Variants in ASTN2 observed in about 807,000 individuals in gnomAD.
ASTN2 encodes the protein astrotactin 2.
In ASTN2, 54 loss-of-function variants were observed where a neutral mutation model predicts 139.8. The ratio of observed to expected loss-of-function variants is 0.39; its 90% CI spans 0.31 to 0.48. The LOEUF is 0.48. Ranked by LOEUF, ASTN2 falls within the 20% of genes least tolerant of loss-of-function variation. The pLI is 0.95. For synonymous variants in ASTN2, 756 were observed against 719.5 expected, an observed-to-expected ratio of 1.05 and a Z score of -0.81; for missense variants, 1,565 against 1,725.1, an observed-to-expected ratio of 0.91 and a Z score of 1.64.
intron 5 of ASTN2, among the ~76,000 whole-genome samples, chr9:117,065,176 C>G (rs989365946): frequency 6.6e-5 from 10 of 152,130 alleles, no homozygotes; most frequent in Non-Finnish European, 1.2e-4. Context: ...AGCCACGGAA[C>G]AGAACAGATT....
At chr9:117,308,601 CAG>C (rs1835062125) in intron 1 of ASTN2, among the ~76,000 whole-genome samples, 2 of 152,104 alleles carry the variant, frequency 1.3e-5, no homozygotes, top group South Asian at 4.1e-4. Context: ...AAGTGCACTG[CAG>C]AGTCATTTTT....
chr9:116,993,827 T>C (rs908397869), intron 7 of ASTN2, among the ~76,000 whole-genome samples: 1 of 143,088 alleles, frequency 7.0e-6, no homozygotes, highest in Non-Finnish European at 1.5e-5. Context: ...ATACTATATA[T>C]AGTATACTTT....
chr9:117,175,492 A>C (rs781248958), intron 3 of ASTN2, among the ~76,000 whole-genome samples: 1 of 152,184 alleles, frequency 6.6e-6, no homozygotes, highest in Non-Finnish European at 1.5e-5. Flanking sequence ...AGACATTTAC[A>C]GAAGAAAATG....
At chr9:117,221,998 A>G (rs771882942) in intron 2 of ASTN2, among the ~76,000 whole-genome samples, 26 of 152,224 alleles carry the variant, frequency 1.7e-4, no homozygotes, top group Non-Finnish European at 2.8e-4. Context: ...AATTTGATCT[A>G]CAAAATAGCT....
intron 16 of ASTN2, among the ~76,000 whole-genome samples, chr9:116,673,900 G>A (rs1307769170): frequency 6.6e-6 from 1 of 152,196 alleles, no homozygotes; most frequent in Non-Finnish European, 1.5e-5. Flanking sequence ...GACTGAGATA[G>A]TGAAAGAGAT....
At chr9:116,989,536 T>C (rs1836784456) in intron 7 of ASTN2, among the ~76,000 whole-genome samples, 1 of 151,926 alleles carries the variant, frequency 6.6e-6, no homozygotes. Flanking sequence ...TACATTCAGC[T>C]GAACCCAGCT....
At position 116,453,399 on chromosome 9, in the gene ASTN2, C is replaced by T. The variant is rs1012127481; in HGVS notation, c.3498-10846G>A. Reference sequence around the variant, plus strand: ...ACGAGGTCAGGAGATCGAGACCATCCTGGCTAACACGGTGAAACCCCGTCT... The same window carrying T: ...ACGAGGTCAGGAGATCGAGACCATCTTGGCTAACACGGTGAAACCCCGTCT... On this transcript the variant is annotated intron_variant, in intron 20 of 22. Coordinates refer to ENST00000313400, the MANE Select transcript of ASTN2 (RefSeq NM_001365068.1). Among the ~76,000 whole-genome samples, 3 of 151,630 alleles carry T rather than the reference C, an allele frequency of 2.0e-5. 1 individual carries two copies. In the East Asian group the frequency reaches 5.8e-4, roughly 29 times the overall value.
chr9:117,185,495 AC>A (rs1419473165), intron 3 of ASTN2, among the ~76,000 whole-genome samples: 1 of 152,160 alleles, frequency 6.6e-6, no homozygotes, highest in Non-Finnish European at 1.5e-5. Context: ...CTTGCTAGGT[AC>A]CCCAAGACTC....
intron 1 of ASTN2, among the ~76,000 whole-genome samples, chr9:117,406,349 C>G (rs1237629496): frequency 6.6e-6 from 1 of 152,176 alleles, no homozygotes; most frequent in Non-Finnish European, 1.5e-5. Flanking sequence ...AAACATAAGT[C>G]AGACCTTGGC....
intron 20 of ASTN2, among the ~76,000 whole-genome samples, chr9:116,445,512 C>T (rs1847960431): frequency 1.3e-5 from 2 of 152,158 alleles, no homozygotes; most frequent in African/African-American, 4.8e-5. Flanking sequence ...TGTGGTGCTT[C>T]TGCAATCCAC....
rs912799507 is a variant in ASTN2 at position 116,725,642 on chromosome 9, T to C, written c.2806+129A>G. ...TGAAGCTCAGAGAGAGGCAGGGACT[T>C]GCCCATGGTCACACAGCTTAGACGT... On this transcript the variant is annotated intron_variant, in intron 16 of 22. Coordinates refer to ENST00000313400, the MANE Select transcript of ASTN2 (RefSeq NM_001365068.1). 1.1e-5 allele frequency: 10 copies of C among 886,902 alleles called. No homozygotes were observed. In the African/African-American group the frequency reaches 1.3e-4, roughly 12 times the overall value. The allele number at this position is 886,902 out of a possible 1,614,324, so 54.9% of individuals were successfully genotyped here.
chr9:116,910,889 C>T (rs1007696934), intron 10 of ASTN2, among the ~76,000 whole-genome samples: 8 of 152,258 alleles, frequency 5.3e-5, no homozygotes, highest in East Asian at 3.9e-4. Context: ...GGGATTCTTA[C>T]GAATCCTGCT....
chr9:117,242,171 T>G (rs1422167533), intron 2 of ASTN2, among the ~76,000 whole-genome samples: 1 of 152,080 alleles, frequency 6.6e-6, no homozygotes, highest in Non-Finnish European at 1.5e-5. Context: ...ACATTCACAT[T>G]ACTATAAATC....
chr9:116,723,665 C>A (rs1006780271), intron 16 of ASTN2, among the ~76,000 whole-genome samples: 1 of 152,198 alleles, frequency 6.6e-6, no homozygotes, highest in Non-Finnish European at 1.5e-5. Context: ...CCCAGCTTCT[C>A]ATCTCCCATT....
intron 3 of ASTN2, among the ~76,000 whole-genome samples, chr9:117,155,531 TG>T (rs570132963): frequency 0.012 from 1,815 of 151,886 alleles, 64 homozygotes; most frequent in Admixed American, 0.08. Flanking sequence ...ACAGAGAGGC[TG>T]TGATAGAACC....
At chr9:117,331,666 G>A (rs1204043101) in intron 1 of ASTN2, among the ~76,000 whole-genome samples, 3 of 152,138 alleles carry the variant, frequency 2.0e-5, no homozygotes, top group African/African-American at 7.2e-5. Flanking sequence ...GAATATTAGC[G>A]ATTTTCAACA....
intron 19 of ASTN2, among the ~76,000 whole-genome samples, chr9:116,534,023 T>C (rs1851491836): frequency 1.3e-5 from 2 of 152,188 alleles, no homozygotes; most frequent in South Asian, 4.1e-4. Context: ...CTTTAAATTA[T>C]TGCCTCAGTT....
chr9:117,376,013 A>G (rs1029696844), intron 1 of ASTN2, among the ~76,000 whole-genome samples: 1 of 152,182 alleles, frequency 6.6e-6, no homozygotes. Context: ...GGACACAGTG[A>G]TTACATAGGG....
intron 13 of ASTN2, among the ~76,000 whole-genome samples, chr9:116,743,651 G>T (rs936436805): frequency 1.3e-5 from 2 of 152,074 alleles, no homozygotes; most frequent in African/African-American, 4.8e-5. Context: ...GATTACAGGG[G>T]TGTGCCACCC....
Sources: gnomAD v4.1 joint callset for allele counts (sites outside exome capture counted in the v4.1 genomes callset) on GRCh38, gnomAD v4.1.1 for gene constraint, MANE v1.5 for transcripts, NCBI Gene and HGNC (gene_info 2026-07-23, HGNC 2026-07-21) for gene names.